Variants in DAW1 observed in about 807,000 individuals in gnomAD.
DAW1 encodes the protein dynein assembly factor with WD repeats 1, also known as dynein assembly factor with WD repeat domains 1.
Under a neutral mutation model 56.5 loss-of-function variants are expected in DAW1, and 47 were observed. The observed-to-expected ratio is 0.83, with a 90% CI of 0.66 to 1.06. The LOEUF is 1.06. Ranked by LOEUF, DAW1 falls within the 50% of genes least tolerant of loss-of-function variation. DAW1 has a pLI of 0.00. For missense variants in DAW1, 505 were observed against 499.3 expected (o/e 1.01, Z -0.11); for synonymous variants, 190 against 179.0 (o/e 1.06, Z -0.49).
chr2:227,921,688 C>T (rs758733081), intron 12 of DAW1, 127 bp downstream of exon 12: 163 of 979,820 alleles, frequency 1.7e-4, no homozygotes, highest in Non-Finnish European at 2.3e-4. Context: ...CTCATCTTGG[C>T]CTGCCCTCAT....
intron 10 of DAW1, among the ~76,000 whole-genome samples, chr2:227,914,503 T>C (rs16824203): frequency 0.055 from 8,342 of 152,164 alleles, 268 homozygotes; most frequent in Middle Eastern, 0.095. Flanking sequence ...TATCCATATG[T>C]GATGCCACTC....
At chr2:227,921,332 T>A in intron 11 of DAW1, 67 bp from the exon 12 acceptor site, 2 of 196,972 alleles carry the variant, frequency 1.0e-5, no homozygotes, top group Non-Finnish European at 1.7e-5. Context: ...TTTTTTTTTT[T>A]TGCTGATAAG....
intron 1 of DAW1, chr2:227,872,301 A>T (rs1690773756): frequency 6.7e-6 from 1 of 150,352 alleles, no homozygotes; most frequent in Non-Finnish European, 1.5e-5. Context: ...AAGAAAAAAA[A>T]GAAAAAAATC....
At chr2:227,913,988 A>ATCTC (rs71723734) in intron 10 of DAW1, among the ~76,000 whole-genome samples, 102 of 147,730 alleles carry the variant, frequency 6.9e-4, no homozygotes, top group African/African-American at 1.2e-3. Context: ...ATATATCTGT[A>ATCTC]TCTCTCTCTC....
rs970594295 is a variant in DAW1 at position 227,896,602 on chromosome 2, G to C, written c.441-1580G>C. On this transcript the variant is annotated intron_variant, in intron 5 of 12. Transcript: ENST00000309931. ...CCAAAGAATAAGAGGGAGTGTGTGTGTGTGTGTGTGTGTGTGTGTGTGTGT... is the reference window on the plus strand; with the variant it reads ...CCAAAGAATAAGAGGGAGTGTGTGTCTGTGTGTGTGTGTGTGTGTGTGTGT... Among the ~76,000 whole-genome samples, 7 of 146,350 alleles carry C rather than the reference G, an allele frequency of 4.8e-5. No individual in the cohort carries two copies. The East Asian group carries it at 1.4e-3, about 30-fold the overall frequency.
At chr2:227,911,303 T>TATATATACATATACAC (rs1691820314) in intron 10 of DAW1, among the ~76,000 whole-genome samples, 1 of 135,470 alleles carries the variant, frequency 7.4e-6, no homozygotes, top group African/African-American at 2.6e-5. Flanking sequence ...TATACACGTG[T>TATATATACATATACAC]ATGTATAAGC....
At chr2:227,922,746 C>T (rs1050331786) in intron 12 of DAW1, among the ~76,000 whole-genome samples, 1 of 152,150 alleles carries the variant, frequency 6.6e-6, no homozygotes, top group Non-Finnish European at 1.5e-5. Flanking sequence ...ACAGGGCTTA[C>T]GATCTTCAAA....
intron 10 of DAW1, among the ~76,000 whole-genome samples, chr2:227,914,645 C>T (rs1691909395): frequency 6.6e-6 from 1 of 152,000 alleles, no homozygotes; most frequent in African/African-American, 2.4e-5. Context: ...TTGTCTGCCT[C>T]ATCTCACTGA....
At chr2:227,896,593 AGTGTGTGTGTGTGTGT>A (rs5839240) in intron 5 of DAW1, among the ~76,000 whole-genome samples, 2 of 143,562 alleles carry the variant, frequency 1.4e-5, no homozygotes, top group Non-Finnish European at 3.1e-5. Flanking sequence ...AATAAGAGGG[AGTGTGTGTGTGTGTGT>A]GTGTGTGTGT....
intron 10 of DAW1, 85 bp downstream of exon 10, chr2:227,907,337 T>A: frequency 9.6e-7 from 1 of 1,046,814 alleles, no homozygotes; most frequent in Non-Finnish European, 1.4e-6. Context: ...TATGGGTCAT[T>A]TCTTTGATGA....
chr2:227,902,776 G>A (rs533838753), intron 6 of DAW1, among the ~76,000 whole-genome samples: 1 of 152,262 alleles, frequency 6.6e-6, no homozygotes, highest in African/African-American at 2.4e-5. Context: ...GGGAGCTAGT[G>A]CCCCTCCAAG....
rs180996027 is a variant in DAW1 at position 227,883,634 on chromosome 2, G to C, written c.41-1717G>C. On this transcript the variant is annotated intron_variant, in intron 1 of 12. Coordinates refer to ENST00000309931, the MANE Select transcript of DAW1 (RefSeq NM_178821.3). ...TAATACTCCTTCATTTTTCAACTAT[G>C]TATCAGTGTCTGACTACATTCTTTT... Among the ~76,000 whole-genome samples, 50 of 152,240 alleles carry C rather than the reference G, an allele frequency of 3.3e-4. No individual in the cohort carries two copies. The Middle Eastern group carries it at 0.01, about 31-fold the overall frequency.
intron 10 of DAW1, among the ~76,000 whole-genome samples, chr2:227,913,499 A>G (rs1301183139): frequency 2.6e-5 from 4 of 152,164 alleles, no homozygotes; most frequent in Admixed American, 2.6e-4. Context: ...CCTTTGTGAC[A>G]TTTATGATGC....
At chr2:227,913,881 A>ATCTATCTATCTATCTATCTATCTG (rs79833260) in intron 10 of DAW1, among the ~76,000 whole-genome samples, 12 of 120,386 alleles carry the variant, frequency 1.0e-4, no homozygotes, top group African/African-American at 3.4e-4. Context: ...ATATCTATCT[A>ATCTATCTATCTATCTATCTATCTG]TCTGTCTGTC....
chr2:227,888,807 T>C (rs902591409), intron 2 of DAW1, among the ~76,000 whole-genome samples: 3 of 152,234 alleles, frequency 2.0e-5, no homozygotes, highest in Admixed American at 2.0e-4. Context: ...TATTATTCTG[T>C]GCCAGCAACA....
chr2:227,921,649 A>T, intron 12 of DAW1, 88 bp downstream of exon 12: 1 of 1,365,958 alleles, frequency 7.3e-7, no homozygotes, highest in Admixed American at 2.1e-5. Context: ...GTTCATCCCC[A>T]TTCCCTACCT....
intron 1 of DAW1, among the ~76,000 whole-genome samples, chr2:227,877,452 C>A (rs1559301021): frequency 6.6e-6 from 1 of 152,352 alleles, no homozygotes; most frequent in East Asian, 1.9e-4. Flanking sequence ...TGCTCCCGGA[C>A]TCTTTGTTTT....
intron 8 of DAW1, 103 bp downstream of exon 8, chr2:227,905,138 A>T: frequency 1.2e-6 from 1 of 819,432 alleles, no homozygotes; most frequent in Non-Finnish European, 1.8e-6. Context: ...TCTGCTTTGG[A>T]TTCCATAAAA....
At position 227,898,288 on chromosome 2, in the gene DAW1, A is replaced by G. The variant is rs1240941883; in HGVS notation, c.540+7A>G. On this transcript the variant is annotated splice_region_variant and intron_variant, in intron 6 of 12. Transcript: ENST00000309931. ...GGGTCATACAGCAGAAATAGTGAGT[A>G]TATTTAACAATTTATTATTATTTTA... The G allele has an allele frequency of 2.2e-6, 3 of 1,383,688 alleles. No individual in the cohort carries two copies. The highest frequency in any genetic ancestry group is 2.9e-6 in the Non-Finnish European group (3 of 1,044,072). The allele number at this position is 1,383,688 out of a possible 1,614,324, so 85.7% of individuals were successfully genotyped here.
Sources: allele counts gnomAD v4.1 joint callset (sites outside exome capture counted in the v4.1 genomes callset), GRCh38; gene constraint gnomAD v4.1.1; transcripts MANE v1.5; gene names NCBI Gene and HGNC (gene_info 2026-07-23, HGNC 2026-07-21).